Variants in UNC13C observed in about 807,000 individuals in gnomAD.
The protein encoded by UNC13C is protein unc-13 homolog C.
Under a neutral mutation model 245.4 loss-of-function variants are expected in UNC13C, and 174 were observed. The ratio of observed to expected loss-of-function variants is 0.71; its 90% CI spans 0.63 to 0.80. The LOEUF is 0.80. Among genes scored for constraint, UNC13C ranks in the 30% least tolerant of loss-of-function variants. UNC13C has a pLI of 0.00. For missense variants in UNC13C, 2,829 were observed against 2,602.9 expected (o/e 1.09, Z -1.89); for synonymous variants, 992 against 895.1 (o/e 1.11, Z -1.93).
At chr15:54,179,736 A>G (rs1370883044) in intron 4 of UNC13C, among the ~76,000 whole-genome samples, 1 of 152,110 alleles carries the variant, frequency 6.6e-6, no homozygotes, top group Non-Finnish European at 1.5e-5. Flanking sequence ...TTAAAAATCA[A>G]AATAACCAAA....
intron 20 of UNC13C, 105 bp downstream of exon 20, chr15:54,494,839 G>A: frequency 7.6e-7 from 1 of 1,312,640 alleles, no homozygotes; most frequent in Non-Finnish European, 1.1e-6. Flanking sequence ...AATCTTCATT[G>A]GAATGCAGAA....
At chr15:53,878,590 A>G in the UNC13C span, among the ~76,000 whole-genome samples, 2 of 152,164 alleles carry the variant, frequency 1.3e-5, no homozygotes, top group African/African-American at 4.8e-5. Context: ...GAGATCATGT[A>G]TCTAGCCATG....
rs775524019 is a variant in UNC13C at position 54,013,609 on chromosome 15, A to G, written c.706A>G (p.Ile236Val). The change falls in exon 2 of 33, where the codon ATT (isoleucine) becomes GTT (valine). Residue 236 changes from isoleucine (I) to valine (V), a missense_variant. Coordinates refer to ENST00000260323, the MANE Select transcript of UNC13C (RefSeq NM_001080534.3). ...GCCAGGGTTCAGTTCCTCTGGCTGC[A>G]TTAGCCAAACACATGATGTCATGGA... ...LEPGFSSSGCISQTHDVMEMI... is the reference protein window; with the variant it reads ...LEPGFSSSGCVSQTHDVMEMI... 6 of 1,613,714 alleles carry G rather than the reference A, an allele frequency of 3.7e-6. No homozygotes were observed. The highest frequency in any genetic ancestry group is 1.7e-4 in the Middle Eastern group (1 of 6,058).
At chr15:53,922,998 A>G in the UNC13C span, among the ~76,000 whole-genome samples, 13 of 152,316 alleles carry the variant, frequency 8.5e-5, no homozygotes, top group African/African-American at 3.1e-4. Context: ...ATTGTTCTAG[A>G]GGCTTTCTAT....
At chr15:53,950,414 G>A in the UNC13C span, among the ~76,000 whole-genome samples, 1 of 133,312 alleles carries the variant, frequency 7.5e-6, no homozygotes, top group African/African-American at 2.8e-5. Flanking sequence ...TATCAGCAAA[G>A]ACTAAAATAA....
the UNC13C span, among the ~76,000 whole-genome samples, chr15:53,891,403 G>C: frequency 6.6e-6 from 1 of 152,074 alleles, no homozygotes; most frequent in African/African-American, 2.4e-5. Flanking sequence ...GCTGAGTTCA[G>C]GTCCTGGATA....
intron 19 of UNC13C, among the ~76,000 whole-genome samples, chr15:54,434,636 A>G (rs2040942472): frequency 6.6e-6 from 1 of 152,176 alleles, no homozygotes; most frequent in Admixed American, 6.6e-5. Flanking sequence ...AAACCCTAGA[A>G]GAAAACGTAG....
chr15:54,133,171 A>G (rs2031532510), intron 2 of UNC13C, among the ~76,000 whole-genome samples: 1 of 152,148 alleles, frequency 6.6e-6, no homozygotes, highest in East Asian at 1.9e-4. Flanking sequence ...GAAGATTTAG[A>G]TAGATGCTGG....
intron 1 of UNC13C, among the ~76,000 whole-genome samples, chr15:53,999,080 T>C (rs898151594): frequency 6.6e-6 from 1 of 152,038 alleles, no homozygotes; most frequent in Non-Finnish European, 1.5e-5. Flanking sequence ...GTAACATTTT[T>C]GTCAAATTTT....
At chr15:54,136,548 G>A (rs1443030163) in intron 2 of UNC13C, among the ~76,000 whole-genome samples, 2 of 150,894 alleles carry the variant, frequency 1.3e-5, no homozygotes, top group African/African-American at 4.9e-5. Flanking sequence ...TTTTTTTCTT[G>A]CCTTATTTCT....
At position 54,150,849 on chromosome 15, in the gene UNC13C, G is replaced by A. The variant is rs1486917305; in HGVS notation, c.3071+7165G>A. Reference sequence around the variant, plus strand: ...ATTTACTATCTATATTCCCAACCAGGCTTAGTTAAACCATAGTTTTCTTGG... The same window carrying A: ...ATTTACTATCTATATTCCCAACCAGACTTAGTTAAACCATAGTTTTCTTGG... On this transcript the variant is annotated intron_variant, in intron 4 of 32. Transcript: ENST00000260323. 2.6e-5 allele frequency among the ~76,000 whole-genome samples: 4 copies of A among 152,090 alleles called. No homozygotes were observed. The East Asian group carries it at 7.7e-4, about 29-fold the overall frequency.
At chr15:54,177,876 G>T (rs747705795) in intron 4 of UNC13C, among the ~76,000 whole-genome samples, 6 of 151,976 alleles carry the variant, frequency 3.9e-5, no homozygotes, top group Non-Finnish European at 7.4e-5. Flanking sequence ...GTGATATGTT[G>T]TATGTAGGCA....
intron 2 of UNC13C, chr15:54,049,682 G>A (rs112595545): frequency 3.7e-5 from 8 of 214,988 alleles, no homozygotes; most frequent in South Asian, 7.0e-5. Flanking sequence ...AGTTGACCAC[G>A]CAATATTAAA....
intron 19 of UNC13C, among the ~76,000 whole-genome samples, chr15:54,452,518 A>C (rs149518422): frequency 6.6e-6 from 1 of 152,270 alleles, no homozygotes; most frequent in African/African-American, 2.4e-5. Flanking sequence ...AGGAATGTTT[A>C]GGTGCAAATG....
chr15:54,070,009 T>A (rs1308534009), intron 2 of UNC13C, among the ~76,000 whole-genome samples: 1 of 152,242 alleles, frequency 6.6e-6, no homozygotes, highest in Non-Finnish European at 1.5e-5. Context: ...ATAATGATCC[T>A]TAGACAGTTA....
the UNC13C span, among the ~76,000 whole-genome samples, chr15:53,943,210 C>T: frequency 1.3e-5 from 2 of 152,116 alleles, no homozygotes; most frequent in South Asian, 2.1e-4. Flanking sequence ...GGCAGTGCTG[C>T]TTCTTCATGT....
chr15:54,315,262 C>G (rs1404115757), intron 13 of UNC13C, among the ~76,000 whole-genome samples: 2 of 151,660 alleles, frequency 1.3e-5, no homozygotes, highest in East Asian at 3.9e-4. Flanking sequence ...TCTTCACTTT[C>G]CATCTTATTT....
chr15:54,224,487 G>A (rs929126214), intron 4 of UNC13C, among the ~76,000 whole-genome samples: 11 of 152,184 alleles, frequency 7.2e-5, no homozygotes, highest in African/African-American at 2.4e-4. Context: ...AATCATCTTC[G>A]GTTATGATCA....
chr15:53,861,692 G>A, the UNC13C span, among the ~76,000 whole-genome samples: 1 of 152,180 alleles, frequency 6.6e-6, no homozygotes, highest in South Asian at 2.1e-4. Flanking sequence ...GAAACACAAT[G>A]AGTTGGAAGC....
Sources: gnomAD v4.1 joint callset for allele counts (sites outside exome capture counted in the v4.1 genomes callset) on GRCh38, gnomAD v4.1.1 for gene constraint, MANE v1.5 for transcripts, NCBI Gene and HGNC (gene_info 2026-07-23, HGNC 2026-07-21) for gene names.